The following TRPV6 variants were observed in gnomAD, a reference collection of about 807,000 sequenced individuals.
TRPV6 encodes the protein Alu-binding protein with zinc finger domain.
In TRPV6, 39 loss-of-function variants were observed where a neutral mutation model predicts 79.0. The observed-to-expected ratio is 0.49, with a 90% confidence interval of 0.38 to 0.64. The LOEUF is 0.64. Among genes scored for constraint, TRPV6 ranks in the 30% least tolerant of loss-of-function variants. The probability of loss-of-function intolerance (pLI) is 0.00; values close to 1 mark genes in which losing one functional copy is unlikely to be tolerated. For synonymous variants in TRPV6, 373 were observed against 391.9 expected (o/e 0.95, Z 0.57); for missense variants, 813 against 1,011.1 (o/e 0.80, Z 2.66).
chr7:142,876,716 C>T, intron 5 of TRPV6, 23 bp downstream of exon 5: 1 of 1,614,006 alleles, frequency 6.2e-7, no homozygotes. Context: ...CATCCCAGCT[C>T]CCCTCCCCAT....
chr7:142,877,095 G>A, intron 4 of TRPV6, 47 bp downstream of exon 4: 1 of 1,586,488 alleles, frequency 6.3e-7, no homozygotes, highest in African/African-American at 1.3e-5. Flanking sequence ...GCCCTGCCTT[G>A]CCCACCTTTC....
chr7:142,877,624 C>T, intron 3 of TRPV6, 27 bp downstream of exon 3: 1 of 1,610,482 alleles, frequency 6.2e-7, no homozygotes, highest in Non-Finnish European at 8.5e-7. Flanking sequence ...CACTCCTGCT[C>T]TTCACCCCAG....
chr7:142,872,687 C>G (rs2116506602), intron 13 of TRPV6, among the ~76,000 whole-genome samples: 1 of 152,316 alleles, frequency 6.6e-6, no homozygotes, highest in African/African-American at 2.4e-5. Context: ...CCCAGGAGCA[C>G]AGGCACCAGA....
chr7:142,873,459 A>G lies in TRPV6; in HGVS notation c.1897T>C (p.Trp633Arg). 1 of 1,614,084 alleles carries G rather than the reference A, an allele frequency of 6.2e-7. No homozygotes were observed. Among genetic ancestry groups the G allele is most frequent in the Non-Finnish European group, 8.5e-7 (1 of 1,180,018 alleles). ...ACCAGGGGGCTCACCTGGGCCCTCC[A>G]CAGCTCATCCCGCTCATGGGCCACT... The change falls in exon 13 of 15, where the codon TGG becomes CGG. Residue 633 changes from tryptophan to arginine, a missense_variant. Trp to Arg is a moderately radical substitution (Grantham distance 101, BLOSUM62 -3). Around this residue, in one of 3 missense-constraint regions of TRPV6, gnomAD observed 164 missense variants for 186.1 expected, o/e 0.88. Transcript: ENST00000359396. This position sits in a 1 kb window ranked among gnomAD's most constrained non-coding sequence, Gnocchi z 4.8.
At position 142,875,184 on chromosome 7, in the gene TRPV6, G is replaced by A. The variant is rs1795032786; in HGVS notation, c.1243-20C>T. 2 of 1,613,686 alleles carry A rather than the reference G, an allele frequency of 1.2e-6. No homozygotes were observed. The highest frequency in any genetic ancestry group is 2.2e-5 in the South Asian group (2 of 91,076). ...GGCTTCCTAATGGGGGAGAAGAACA[G>A]TCAAAATGCTCAGGGCTTTCAGGCC... On this transcript the variant is annotated intron_variant, in intron 8 of 14. Transcript: ENST00000359396.
rs868780601 is a variant in TRPV6, at chr7:142,873,775, C to T, written c.1640-59G>A. The T allele has an allele frequency of 3.8e-6, 6 of 1,598,658 alleles. No homozygotes were observed. Among genetic ancestry groups the T allele is most frequent in the Middle Eastern group, 3.5e-4 (2 of 5,708 alleles). On this transcript the variant is annotated intron_variant, in intron 12 of 14. Transcript: ENST00000359396. This position sits in a 1 kb window ranked among gnomAD's most constrained non-coding sequence, Gnocchi z 4.8. Reference sequence around the variant, plus strand: ...CAACCATGCAGACGACCAGCCCACCCCGGGCTCTGCGTGCATGTCCATCCT... The same window carrying T: ...CAACCATGCAGACGACCAGCCCACCTCGGGCTCTGCGTGCATGTCCATCCT...
chr7:142,875,842 C>A lies in TRPV6; in HGVS notation c.945G>T (p.Ser315=). 1 of 1,611,080 alleles carries A rather than the reference C, an allele frequency of 6.2e-7. No individual in the cohort carries two copies. Among genetic ancestry groups the A allele is most frequent in the African/African-American group, 1.3e-5 (1 of 74,842 alleles). Residue 315 remains serine (S), a synonymous_variant, in exon 7 of 15, where the codon TCG becomes TCT. Coordinates refer to ENST00000359396, the MANE Select transcript of TRPV6 (RefSeq NM_018646.6). ...CGATCTCTGTGAGGTCATAGAGAGT[C>A]GAGGTCAGTGGTCCATACGTCCACT... is the stretch of plus-strand genomic sequence containing the variant.
rs1344362024 is a variant in TRPV6 at position 142,877,986 on chromosome 7, C to A, written c.289G>T (p.Asp97Tyr). 2 of 1,614,184 alleles carry A rather than the reference C, an allele frequency of 1.2e-6. No homozygotes were observed. Among genetic ancestry groups the A allele is most frequent in the Admixed American group, 3.3e-5 (2 of 60,026 alleles). The stretch of plus-strand genomic sequence containing the variant: ...AGCAACTTGTTCAGGGCCTGGACAT[C>A]ATTATCTTTGGCAGCTAGAAGGAGA... Residue 97 changes from aspartate (D) to tyrosine (Y), a missense_variant, in exon 2 of 15, where the codon GAT becomes TAT. This residue lies in a region of TRPV6 where 555 missense variants were observed against 631.0 expected (regional missense o/e 0.88). Transcript: ENST00000359396.
At position 142,871,747 on chromosome 7, in the gene TRPV6, C is replaced by G; in HGVS notation, c.2258G>C (p.Arg753Thr). 2 of 1,613,416 alleles carry G rather than the reference C, an allele frequency of 1.2e-6. No individual in the cohort carries two copies. The highest frequency in any genetic ancestry group is 1.7e-6 in the Non-Finnish European group (2 of 1,179,448). Residue 753 changes from arginine (R) to threonine (T), a missense_variant, in exon 15 of 15, where the codon AGG becomes ACG. Transcript: ENST00000359396. ...CCAGCTCTCCCCGTCCTCCAGACCC[C>G]TGTTGATTATCCCACGCAGGTCTCT...
In TRPV6 at chr7:142,878,220, G is replaced by C. The variant is rs1377550644; in HGVS notation, c.249-194C>G. On this transcript the variant is annotated intron_variant, in intron 1 of 14. Transcript: ENST00000359396. ...AGTCAGTAAATACAATCAACTTTTTGCCCATTTAGCATGCGTTTTGAGATT... is the reference window on the plus strand; with the variant it reads ...AGTCAGTAAATACAATCAACTTTTTCCCCATTTAGCATGCGTTTTGAGATT... 5 of 601,742 alleles carry C rather than the reference G, an allele frequency of 8.3e-6. No individual in the cohort carries two copies. The East Asian group carries it at 1.4e-4, about 17-fold the overall frequency. 37.3% of individuals were successfully genotyped at this position (601,742 alleles called of 1,614,324 possible).
At position 142,871,412 on chromosome 7, in the gene TRPV6, T is replaced by G; in HGVS notation, c.*295A>C. On this transcript the variant is annotated 3_prime_UTR_variant, in exon 15 of 15. Transcript: ENST00000359396. Reference sequence around the variant, plus strand: ...CGAGCGCCCAAGCAGGCTGGCCTGTTTTTAAAGTGCTCTGACATGCAGTGC... The same window carrying G: ...CGAGCGCCCAAGCAGGCTGGCCTGTGTTTAAAGTGCTCTGACATGCAGTGC... 1 of 458,418 alleles carries G rather than the reference T, an allele frequency of 2.2e-6. No homozygotes were observed. The highest frequency in any genetic ancestry group is 3.9e-6 in the Non-Finnish European group (1 of 254,400). The allele number at this position is 458,418 out of a possible 1,614,324, so 28.4% of individuals were successfully genotyped here.
chr7:142,873,300 G>T lies in TRPV6; in HGVS notation c.1908+148C>A. The T allele has an allele frequency of 3.7e-6, 4 of 1,084,582 alleles. No individual in the cohort carries two copies. The highest frequency in any genetic ancestry group is 5.4e-6 in the Non-Finnish European group (4 of 743,366). 67.2% of individuals were successfully genotyped at this position (1,084,582 alleles called of 1,614,324 possible). Reference sequence around the variant, plus strand: ...TTGCCTGGTTGAATTGCTAATCAGTGCTTCTGTACATTTTGCATGATTTTG... The same window carrying T: ...TTGCCTGGTTGAATTGCTAATCAGTTCTTCTGTACATTTTGCATGATTTTG... On this transcript the variant is annotated intron_variant, in intron 13 of 14. Transcript: ENST00000359396. This position sits in a 1 kb window ranked among gnomAD's most constrained non-coding sequence, Gnocchi z 4.8.
chr7:142,885,425 T>C lies in TRPV6; in HGVS notation c.212A>G (p.Gln71Arg), dbSNP rs1202980032. Residue 71 changes from glutamine to arginine, a missense_variant, in exon 1 of 15, where the codon CAG becomes CGG. Physicochemically the swap from Gln to Arg is conservative, Grantham distance 43. Around this residue, in one of 3 missense-constraint regions of TRPV6, gnomAD observed 555 missense variants for 631.0 expected, o/e 0.88. Transcript: ENST00000359396. ...CAGCAGGTTCTGCTCATCTCGGCTC[T>C]GGGCCCAGGACTCCCGTCTCTGGAA... is the stretch of plus-strand genomic sequence containing the variant. 1 of 1,613,842 alleles carries C rather than the reference T, an allele frequency of 6.2e-7. No individual in the cohort carries two copies. The highest frequency in any genetic ancestry group is 1.7e-5 in the Admixed American group (1 of 59,992).
chr7:142,871,817 G>A lies in TRPV6; in HGVS notation c.2188C>T (p.Arg730Cys), dbSNP rs1191758873. Residue 730 changes from arginine (R) to cysteine (C), a missense_variant, in exon 15 of 15, where the codon CGC becomes TGC. Physicochemically the swap from Arg to Cys is radical, Grantham distance 180 (BLOSUM62 -3). Coordinates refer to ENST00000359396, the MANE Select transcript of TRPV6 (RefSeq NM_018646.6). Reference sequence around the variant, plus strand: ...AGCCTTTCCCAATTGGCACTGCTGCGGGAGGTACTTCGAGACACTGAGGGC... The same window carrying A: ...AGCCTTTCCCAATTGGCACTGCTGCAGGAGGTACTTCGAGACACTGAGGGC... 16 of 1,614,158 alleles carry A rather than the reference G, an allele frequency of 9.9e-6. No homozygotes were observed. The highest frequency in any genetic ancestry group is 1.3e-5 in the Non-Finnish European group (15 of 1,180,026).
rs772228064 is a variant in TRPV6 at position 142,872,486 on chromosome 7, T to A, written c.1909-8A>T. The A allele has an allele frequency of 6.2e-7, 1 of 1,610,398 alleles. No homozygotes were observed. The highest frequency in any genetic ancestry group is 1.1e-5 in the South Asian group (1 of 90,280). ...CACTGTGGTGGCCACAATCTGCGTA[T>A]GGGAACAAAAGGAGAAGTCAGAGAT... On this transcript the variant is annotated splice_polypyrimidine_tract_variant and splice_region_variant and intron_variant, in intron 13 of 14. Transcript: ENST00000359396.
At position 142,876,586 on chromosome 7, in the gene TRPV6, G is replaced by A. The variant is rs375859937; in HGVS notation, c.707-3C>T. The A allele has an allele frequency of 1.5e-4, 243 of 1,613,892 alleles. No individual in the cohort carries two copies. The highest frequency in any genetic ancestry group is 1.9e-4 in the Non-Finnish European group (226 of 1,179,938). On this transcript the variant is annotated splice_polypyrimidine_tract_variant and splice_region_variant and intron_variant, in intron 5 of 14. Transcript: ENST00000359396. Reference sequence around the variant, plus strand: ...GAGGATGTGTAACACTGTGTTTCCTGGGGAGGACACAGGGTATCATGTGGC... The same window carrying A: ...GAGGATGTGTAACACTGTGTTTCCTAGGGAGGACACAGGGTATCATGTGGC...
chr7:142,871,876 C>G lies in TRPV6; in HGVS notation c.2129G>C (p.Gly710Ala), dbSNP rs1220504420. The change falls in exon 15 of 15, where the codon GGC (glycine) becomes GCC (alanine). Residue 710 changes from glycine (G) to alanine (A), a missense_variant. By Grantham distance (60) the Gly-to-Ala change is moderately conservative. Transcript: ENST00000359396. Reference sequence around the variant, plus strand: ...GGACAGGTGGGGGCTGAAGGGACAGCCCAGCTCTAGTTTTTCCACTGAGTC... The same window carrying G: ...GGACAGGTGGGGGCTGAAGGGACAGGCCAGCTCTAGTTTTTCCACTGAGTC... 3.7e-6 allele frequency: 6 copies of G among 1,614,054 alleles called. No individual in the cohort carries two copies. The highest frequency in any genetic ancestry group is 5.1e-6 in the Non-Finnish European group (6 of 1,180,030).
chr7:142,876,157 A>C (rs1355603728), intron 6 of TRPV6: 11 of 689,240 alleles, frequency 1.6e-5, no homozygotes, highest in Non-Finnish European at 2.6e-5. Flanking sequence ...GGGGGCTGAA[A>C]GGGAAGGTGG....
At chr7:142,880,767 T>G (rs2116529246) in intron 1 of TRPV6, 1 of 152,364 alleles carries the variant, frequency 6.6e-6, no homozygotes, top group Admixed American at 6.5e-5. Context: ...AAATACAGGA[T>G]GCTCAGTTAG....
Sources: gnomAD v4.1 joint callset for allele counts (sites outside exome capture counted in the v4.1 genomes callset) on GRCh38, gnomAD v4.1.1 for gene constraint, gnomAD v4.1.1 regional missense constraint, Gnocchi (gnomAD v3.1) non-coding constraint, MANE v1.5 for transcripts, NCBI Gene and HGNC (gene_info 2026-07-23, HGNC 2026-07-21) for gene names.